The following BTBD9 variants were observed in gnomAD, a reference collection of about 807,000 sequenced individuals.
BTBD9 encodes the protein BTB domain containing 9.
A neutral mutation model predicts 64.3 loss-of-function variants in BTBD9; 49 were observed. The observed-to-expected ratio is 0.76, with a 90% confidence interval of 0.61 to 0.97. The LOEUF (loss-of-function observed/expected upper bound fraction) is 0.97. Ranked by LOEUF, BTBD9 falls within the 50% of genes least tolerant of loss-of-function variation. BTBD9 has a pLI of 0.00. For synonymous variants in BTBD9, 260 were observed against 274.7 expected, an observed-to-expected ratio of 0.95 and a Z score of 0.53; for missense variants, 598 against 762.1, an observed-to-expected ratio of 0.78 and a Z score of 2.53.
chr6:38,254,927 T>C lies in BTBD9; in HGVS notation c.1562+1482A>G, dbSNP rs13437376. 7.6e-3 allele frequency among the ~76,000 whole-genome samples: 1,155 copies of C among 152,268 alleles called. 15 individuals carry two copies. The highest frequency in any genetic ancestry group is 0.025 in the African/African-American group (1,034 of 41,546). On this transcript the variant is annotated intron_variant, in intron 9 of 10. Transcript: ENST00000481247. ...ACTCTCAGATATATACCCAAAGGAA[T>C]TGAAAATATATGTTCACATAAAAAC...
At chr6:38,318,639 T>G (rs1028936832) in intron 7 of BTBD9, among the ~76,000 whole-genome samples, 1 of 152,218 alleles carries the variant, frequency 6.6e-6, no homozygotes, top group Non-Finnish European at 1.5e-5. Flanking sequence ...TCTCTCTCCC[T>G]CTCTGCTTCA....
chr6:38,624,975 T>A (rs1190054905), intron 1 of BTBD9, among the ~76,000 whole-genome samples: 1 of 152,240 alleles, frequency 6.6e-6, no homozygotes, highest in East Asian at 1.9e-4. Flanking sequence ...ATTATATTTT[T>A]ATTCTAACCT....
intron 6 of BTBD9, among the ~76,000 whole-genome samples, chr6:38,376,264 C>A (rs1246510615): frequency 1.3e-5 from 2 of 152,100 alleles, no homozygotes; most frequent in African/African-American, 2.4e-5. Context: ...TCAACACAGA[C>A]AAGTGGACTA....
rs369512636 is a variant in BTBD9, at chr6:38,355,310, G to C, written c.1155-10217C>G. On this transcript the variant is annotated intron_variant, in intron 6 of 10. Coordinates refer to ENST00000481247, the MANE Select transcript of BTBD9 (RefSeq NM_001099272.2). ...ACATTTCCCCAGATGTACACTTTAT[G>C]TGTTAGGAGTCCTATGCACTGTTGA... is the stretch of plus-strand genomic sequence containing the variant. Among the ~76,000 whole-genome samples, 4 of 152,266 alleles carry C rather than the reference G, an allele frequency of 2.6e-5. No homozygotes were observed. The East Asian group carries it at 7.7e-4, about 29-fold the overall frequency.
At chr6:38,247,442 C>A (rs1764247533) in intron 9 of BTBD9, among the ~76,000 whole-genome samples, 1 of 152,160 alleles carries the variant, frequency 6.6e-6, no homozygotes, top group Non-Finnish European at 1.5e-5. Flanking sequence ...ATGCTGAAGA[C>A]CAGGCAGCAG....
Position 38,184,683 on chromosome 6 carries a change from C to T in BTBD9, c.1641+7836G>A, listed in dbSNP as rs1460357373. Among the ~76,000 whole-genome samples the T allele has an allele frequency of 1.3e-5, 2 of 152,142 alleles. No homozygotes were observed. The highest frequency in any genetic ancestry group is 2.1e-4 in the South Asian group (1 of 4,830). On this transcript the variant is annotated intron_variant, in intron 10 of 10. Transcript: ENST00000481247. The surrounding 1 kb of genome is among the most constrained non-coding windows in gnomAD (Gnocchi z 4.4). The stretch of plus-strand genomic sequence containing the variant: ...TGGAGGATGCTGCCGGGGAAATCCT[C>T]GGGGGGCCAGAGAGAGTGGAATCAG...
Position 38,577,626 on chromosome 6 carries a change from T to C in BTBD9, c.1128A>G (p.Lys376=). 2 of 1,609,726 alleles carry C rather than the reference T, an allele frequency of 1.2e-6. No homozygotes were observed. The highest frequency in any genetic ancestry group is 1.7e-6 in the Non-Finnish European group (2 of 1,179,610). Residue 376 remains lysine, a synonymous_variant, in exon 6 of 11, where the codon AAA becomes AAG. Transcript: ENST00000481247. ...HSQYLCRSWQ[K]LYFPARVCRY... is the part of the protein sequence containing the mutation. The stretch of plus-strand genomic sequence containing the variant: ...TGCAGACACGGGCTGGAAAATATAA[T>C]TTCTGCCAAGAACGACACAGATATT...
intron 10 of BTBD9, among the ~76,000 whole-genome samples, chr6:38,182,970 C>T (rs1761630479): frequency 7.2e-6 from 1 of 138,662 alleles, no homozygotes; most frequent in Admixed American, 7.6e-5. Context: ...AAGAAGCCCA[C>T]AAAAGGTCTT....
chr6:38,301,130 G>A (rs1040361570), intron 7 of BTBD9, among the ~76,000 whole-genome samples: 3 of 152,130 alleles, frequency 2.0e-5, no homozygotes, highest in Admixed American at 6.5e-5. Flanking sequence ...TGTAGTTTTC[G>A]TCTTTGTTTC....
At chr6:38,428,736 G>A (rs1348294704) in intron 6 of BTBD9, among the ~76,000 whole-genome samples, 3 of 142,070 alleles carry the variant, frequency 2.1e-5, no homozygotes, top group African/African-American at 7.9e-5. Context: ...TTTTTGAGAT[G>A]GAGTCTCACT....
chr6:38,304,363 T>C (rs1039121036), intron 7 of BTBD9, among the ~76,000 whole-genome samples: 2 of 151,946 alleles, frequency 1.3e-5, no homozygotes, highest in African/African-American at 2.4e-5. Context: ...CTGGCCAACA[T>C]AGTGAAACCC....
At chr6:38,323,231 G>C (rs899742026) in intron 7 of BTBD9, among the ~76,000 whole-genome samples, 12 of 152,164 alleles carry the variant, frequency 7.9e-5, no homozygotes, top group Admixed American at 7.9e-4. Flanking sequence ...CCCATCACCT[G>C]CCAAATTTAC....
At chr6:38,399,657 A>G (rs765453850) in intron 6 of BTBD9, among the ~76,000 whole-genome samples, 11 of 151,982 alleles carry the variant, frequency 7.2e-5, no homozygotes, top group Admixed American at 2.0e-4. Context: ...AGCTGAACCC[A>G]TAGCTGCCTA....
intron 6 of BTBD9, among the ~76,000 whole-genome samples, chr6:38,557,014 CCAAAAAAAAAAAAA>C (rs1775055296): frequency 3.1e-5 from 1 of 31,896 alleles, no homozygotes; most frequent in African/African-American, 1.4e-4. Context: ...CTCCATCTCA[CCAAAAAAAAAAAAA>C]AAAAAAAAAA....
At chr6:38,609,687 G>A (rs1777548410) in intron 1 of BTBD9, among the ~76,000 whole-genome samples, 1 of 152,192 alleles carries the variant, frequency 6.6e-6, no homozygotes. Context: ...AATAATTGAT[G>A]AGCTTATGAT....
chr6:38,596,212 CT>C, intron 2 of BTBD9: 1 of 285,000 alleles, frequency 3.5e-6, no homozygotes, highest in Non-Finnish European at 5.3e-6. Flanking sequence ...AGAGGTAGAG[CT>C]TAGCTCTAAG....
chr6:38,605,533 C>A (rs927961806), intron 1 of BTBD9, among the ~76,000 whole-genome samples: 1 of 152,158 alleles, frequency 6.6e-6, no homozygotes, highest in African/African-American at 2.4e-5. Context: ...CATGTGCTTG[C>A]TTAAGTGAAT....
chr6:38,401,877 G>A (rs1287426490), intron 6 of BTBD9, among the ~76,000 whole-genome samples: 2 of 152,134 alleles, frequency 1.3e-5, no homozygotes, highest in African/African-American at 2.4e-5. Flanking sequence ...CTGACACCTA[G>A]TAAGTGTTCA....
chr6:38,363,644 G>A (rs911751882), intron 6 of BTBD9, among the ~76,000 whole-genome samples: 1 of 152,178 alleles, frequency 6.6e-6, no homozygotes, highest in African/African-American at 2.4e-5. Context: ...TGGCAGGATT[G>A]TATTTATCAT....
Sources: gnomAD v4.1 joint callset for allele counts (sites outside exome capture counted in the v4.1 genomes callset) on GRCh38, gnomAD v4.1.1 for gene constraint, Gnocchi (gnomAD v3.1) non-coding constraint, MANE v1.5 for transcripts, NCBI Gene and HGNC (gene_info 2026-07-23, HGNC 2026-07-21) for gene names.